The following MAN1A1 variants were observed in gnomAD, a reference collection of about 807,000 sequenced individuals.
MAN1A1 encodes the protein mannosyl-oligosaccharide 1,2-alpha-mannosidase IA.
In MAN1A1, 29 loss-of-function variants were observed where a neutral mutation model predicts 70.8. The observed-to-expected ratio is 0.41, with a 90% CI of 0.31 to 0.56. MAN1A1 has a LOEUF of 0.56. MAN1A1 is among the 20% of genes least tolerant of loss of function. The probability of loss-of-function intolerance (pLI) is 0.29; values close to 1 mark genes in which losing one functional copy is unlikely to be tolerated. For missense variants in MAN1A1, 747 were observed against 841.3 expected (o/e 0.89, Z 1.39); for synonymous variants, 349 against 330.1 (o/e 1.06, Z -0.62).
intron 5 of MAN1A1, among the ~76,000 whole-genome samples, chr6:119,288,525 C>T (rs992284509): frequency 1.3e-5 from 2 of 151,698 alleles, no homozygotes; most frequent in African/African-American, 2.4e-5. Flanking sequence ...AAAAATTTTC[C>T]GGATCACATT....
At position 119,193,878 on chromosome 6, in the gene MAN1A1, C is replaced by T; in HGVS notation, c.1225G>A (p.Gly409Arg). The T allele has an allele frequency of 6.2e-7, 1 of 1,604,244 alleles. No homozygotes were observed. Among genetic ancestry groups the T allele is most frequent in the Non-Finnish European group, 8.5e-7 (1 of 1,171,702 alleles). ...GQWGQHHVSVGGLGDSFYEYL... is the reference protein window; with the variant it reads ...GQWGQHHVSVRGLGDSFYEYL... ...TCATAGAAGCTGTCTCCAAGTCCTCCAACTGATACATGATCTGGAAAGAGA... is the reference window on the plus strand; with the variant it reads ...TCATAGAAGCTGTCTCCAAGTCCTCTAACTGATACATGATCTGGAAAGAGA... Residue 409 changes from glycine to arginine, a missense_variant, in exon 9 of 13, where the codon GGA (glycine) becomes AGA (arginine). Physicochemically the swap from Gly to Arg is moderately radical, Grantham distance 125 (BLOSUM62 -2). Around this residue, in one of 2 missense-constraint regions of MAN1A1, gnomAD observed 419 missense variants for 548.2 expected, o/e 0.76. Coordinates refer to ENST00000368468, the MANE Select transcript of MAN1A1 (RefSeq NM_005907.4).
intron 4 of MAN1A1, among the ~76,000 whole-genome samples, chr6:119,294,097 C>A (rs758605552): frequency 6.6e-6 from 1 of 152,056 alleles, no homozygotes; most frequent in Non-Finnish European, 1.5e-5. Flanking sequence ...ATCATAAATA[C>A]TCATCTTCTT....
At chr6:119,195,166 C>T (rs1219151066) in intron 8 of MAN1A1, among the ~76,000 whole-genome samples, 1 of 152,058 alleles carries the variant, frequency 6.6e-6, no homozygotes, top group Non-Finnish European at 1.5e-5. Flanking sequence ...TCAATCTATT[C>T]CCCACATTAA....
At chr6:119,344,294 C>A (rs983457884) in intron 2 of MAN1A1, among the ~76,000 whole-genome samples, 6 of 152,226 alleles carry the variant, frequency 3.9e-5, no homozygotes, top group African/African-American at 1.4e-4. Context: ...AAACTATCAA[C>A]AGCTTACAGA....
intron 6 of MAN1A1, among the ~76,000 whole-genome samples, chr6:119,225,694 C>A (rs970588201): frequency 3.3e-5 from 5 of 152,260 alleles, no homozygotes; most frequent in Non-Finnish European, 7.4e-5. Context: ...TAATGGCTGA[C>A]TTCTCAGAAA....
intron 4 of MAN1A1, among the ~76,000 whole-genome samples, chr6:119,296,612 A>G (rs996334626): frequency 6.6e-6 from 1 of 152,172 alleles, no homozygotes; most frequent in Non-Finnish European, 1.5e-5. Flanking sequence ...TGCTTCTTGA[A>G]GTCAACATAT....
At chr6:119,227,136 G>A (rs946467674) in intron 6 of MAN1A1, among the ~76,000 whole-genome samples, 3 of 152,006 alleles carry the variant, frequency 2.0e-5, no homozygotes, top group African/African-American at 4.8e-5. Flanking sequence ...CTAATGAACC[G>A]CAAACACCAT....
chr6:119,323,370 T>C (rs1193512804), intron 2 of MAN1A1, among the ~76,000 whole-genome samples: 1 of 152,226 alleles, frequency 6.6e-6, no homozygotes, highest in East Asian at 1.9e-4. Flanking sequence ...AGCCACAAAT[T>C]TGTTAAATAC....
intron 4 of MAN1A1, among the ~76,000 whole-genome samples, chr6:119,301,463 T>C (rs1240519388): frequency 1.3e-5 from 2 of 152,186 alleles, no homozygotes; most frequent in Admixed American, 6.5e-5. Flanking sequence ...ATATCACATA[T>C]ATAATCAATT....
chr6:119,333,794 T>C (rs890294449), intron 2 of MAN1A1, among the ~76,000 whole-genome samples: 1 of 152,228 alleles, frequency 6.6e-6, no homozygotes, highest in Non-Finnish European at 1.5e-5. Context: ...ACTTTGCCCA[T>C]CTTCTTCCTA....
At chr6:119,341,802 G>A (rs1176578889) in intron 2 of MAN1A1, among the ~76,000 whole-genome samples, 1 of 152,086 alleles carries the variant, frequency 6.6e-6, no homozygotes, top group African/African-American at 2.4e-5. Context: ...CTATTTAGAA[G>A]AATAACTTCA....
At chr6:119,188,633 CA>C (rs1773356090) in intron 10 of MAN1A1, 56 bp from the exon 11 acceptor site, 1 of 1,471,244 alleles carries the variant, frequency 6.8e-7, no homozygotes, top group African/African-American at 1.4e-5. Context: ...TGCTTACAGT[CA>C]ATAACTTAAA....
At chr6:119,309,592 C>T (rs1772645945) in intron 2 of MAN1A1, among the ~76,000 whole-genome samples, 1 of 152,156 alleles carries the variant, frequency 6.6e-6, no homozygotes, top group African/African-American at 2.4e-5. Context: ...TAAAGCCTGA[C>T]ATTCCACGTA....
intron 6 of MAN1A1, among the ~76,000 whole-genome samples, chr6:119,220,215 C>T (rs1774321609): frequency 6.6e-6 from 1 of 152,058 alleles, no homozygotes; most frequent in Non-Finnish European, 1.5e-5. Flanking sequence ...TTGTAAAGGA[C>T]ATCATGATAT....
At chr6:119,348,436 G>A in intron 2 of MAN1A1, 27 bp downstream of exon 2, 1 of 1,544,730 alleles carries the variant, frequency 6.5e-7, no homozygotes, top group Non-Finnish European at 8.8e-7. Context: ...GGCCGGTCGG[G>A]AGGGATTTCT....
At chr6:119,188,339 T>C (rs999545141) in intron 11 of MAN1A1, 66 bp downstream of exon 11, 3 of 1,401,002 alleles carry the variant, frequency 2.1e-6, no homozygotes, top group African/African-American at 1.4e-5. Context: ...GCCTGATTTA[T>C]GGGTATCACT....
rs1334088956 is a variant in MAN1A1 at position 119,179,919 on chromosome 6, T to C, written c.1862A>G (p.Asp621Gly). 1 of 1,613,706 alleles carries C rather than the reference T, an allele frequency of 6.2e-7. No individual in the cohort carries two copies. The highest frequency in any genetic ancestry group is 1.1e-5 in the South Asian group (1 of 91,072). Residue 621 changes from aspartate to glycine, a missense_variant, in exon 13 of 13, where the codon GAC becomes GGC. Coordinates refer to ENST00000368468, the MANE Select transcript of MAN1A1 (RefSeq NM_005907.4). ...CCAATGCTCCAGTGGAAGAAGATCG[T>C]CGTCAGAAAATATTAGGTACAAATA... is the stretch of plus-strand genomic sequence containing the variant. The part of the protein sequence containing the change: ...LKYLYLIFSD[D>G]DLLPLEHWIF...
At chr6:119,258,574 T>C (rs559128024) in intron 5 of MAN1A1, among the ~76,000 whole-genome samples, 82 of 152,284 alleles carry the variant, frequency 5.4e-4, no homozygotes, top group African/African-American at 1.9e-3. Flanking sequence ...TGGATTTTGG[T>C]ATCCTCAGGG....
chr6:119,203,873 T>C (rs1343000364), intron 7 of MAN1A1, among the ~76,000 whole-genome samples: 1 of 151,998 alleles, frequency 6.6e-6, no homozygotes, highest in African/African-American at 2.4e-5. Flanking sequence ...ACTGAAATAA[T>C]AAACTTGGAG....
Sources: allele counts gnomAD v4.1 joint callset (sites outside exome capture counted in the v4.1 genomes callset), GRCh38; gene constraint gnomAD v4.1.1; regional missense constraint gnomAD v4.1.1; transcripts MANE v1.5; gene names NCBI Gene and HGNC (gene_info 2026-07-23, HGNC 2026-07-21).